Variants in NREP observed in about 807,000 individuals in gnomAD.
NREP encodes neuronal regeneration related protein, also known as neuronal regeneration-related protein.
NREP carries 5 observed loss-of-function variants against 8.6 expected under a neutral mutation model. The observed-to-expected ratio is 0.58, with a 90% CI of 0.30 to 1.22. The LOEUF (loss-of-function observed/expected upper bound fraction) is 1.22. Ranked by LOEUF, NREP falls within the 50% of genes most tolerant of loss-of-function variation. The probability of loss-of-function intolerance (pLI) is 0.07; values close to 1 mark genes in which losing one functional copy is unlikely to be tolerated. For missense variants in NREP, 86 were observed against 82.5 expected, an observed-to-expected ratio of 1.04 and a Z score of -0.17; for synonymous variants, 27 against 28.0, an observed-to-expected ratio of 0.96 and a Z score of 0.11.
upstream of NREP, among the ~76,000 whole-genome samples, chr5:111,759,032 A>T (rs1750892896): frequency 6.6e-6 from 1 of 152,232 alleles, no homozygotes; most frequent in Non-Finnish European, 1.5e-5. Flanking sequence ...AAGAAATATA[A>T]AACTCAACAA....
At chr5:111,912,102 CT>C (rs1340804187) in intron 2 of NREP, among the ~76,000 whole-genome samples, 2 of 152,072 alleles carry the variant, frequency 1.3e-5, no homozygotes, top group African/African-American at 4.8e-5. Flanking sequence ...GCTAGAATAT[CT>C]AATATTTAAA....
intron 2 of NREP, among the ~76,000 whole-genome samples, chr5:111,893,753 AG>A (rs1299636214): frequency 6.6e-6 from 1 of 151,584 alleles, no homozygotes; most frequent in African/African-American, 2.4e-5. Flanking sequence ...TAATTGGTTA[AG>A]GGTTTTTCAA....
intron 2 of NREP, among the ~76,000 whole-genome samples, chr5:111,795,401 A>G (rs1322147445): frequency 6.6e-6 from 1 of 152,214 alleles, no homozygotes; most frequent in Non-Finnish European, 1.5e-5. Flanking sequence ...ATCATTTGGC[A>G]AACTCAAGCT....
chr5:111,764,456 C>T (rs1404443268), intron 2 of NREP, among the ~76,000 whole-genome samples: 1 of 152,166 alleles, frequency 6.6e-6, no homozygotes, highest in Non-Finnish European at 1.5e-5. Context: ...TCACATCTTA[C>T]GTGGATGGCA....
At chr5:111,866,885 G>A (rs368845127) in intron 2 of NREP, among the ~76,000 whole-genome samples, 3 of 151,038 alleles carry the variant, frequency 2.0e-5, no homozygotes, top group Admixed American at 6.6e-5. Context: ...CTCAGCAAAC[G>A]ATCGCAAGGA....
intron 2 of NREP, among the ~76,000 whole-genome samples, chr5:111,905,498 G>C (rs888852709): frequency 7.9e-5 from 12 of 152,110 alleles, no homozygotes; most frequent in Admixed American, 6.6e-5. Flanking sequence ...ATAAATAGCG[G>C]TCCATGGAAG....
intron 2 of NREP, among the ~76,000 whole-genome samples, chr5:111,787,715 T>C (rs1751644860): frequency 6.6e-6 from 1 of 152,338 alleles, no homozygotes; most frequent in African/African-American, 2.4e-5. Flanking sequence ...AGGATGTTCT[T>C]CAAATATATG....
chr5:111,732,990 A>C (rs1180319572), intron 3 of NREP: 2 of 152,234 alleles, frequency 1.3e-5, no homozygotes, highest in Non-Finnish European at 2.9e-5. Context: ...CTCAGTACTA[A>C]TCTTCTACCT....
At chr5:111,804,413 A>G (rs555028329) in intron 2 of NREP, among the ~76,000 whole-genome samples, 22 of 152,326 alleles carry the variant, frequency 1.4e-4, no homozygotes, top group African/African-American at 4.3e-4. Context: ...ATGAAACCAT[A>G]AAAGGACTAG....
At chr5:111,815,922 T>A (rs1457005832) in intron 2 of NREP, among the ~76,000 whole-genome samples, 2 of 152,044 alleles carry the variant, frequency 1.3e-5, no homozygotes, top group Non-Finnish European at 2.9e-5. Context: ...CACACCGAAG[T>A]GAAACTGCTG....
At chr5:111,912,612 T>C (rs941844742) in intron 2 of NREP, 1 of 152,100 alleles carries the variant, frequency 6.6e-6, no homozygotes, top group African/African-American at 2.4e-5. Context: ...CCTACTTGCG[T>C]CTTACTTTTG....
intron 2 of NREP, among the ~76,000 whole-genome samples, chr5:111,916,594 T>C (rs1237950841): frequency 3.3e-5 from 5 of 152,146 alleles, no homozygotes; most frequent in Non-Finnish European, 7.4e-5. Context: ...GTTTAGACTC[T>C]GGGGTGAGAT....
chr5:111,917,693 C>A (rs1180785798), intron 2 of NREP, among the ~76,000 whole-genome samples: 1 of 152,062 alleles, frequency 6.6e-6, no homozygotes, highest in African/African-American at 2.4e-5. Context: ...AAACTAAGTA[C>A]TGATGGAACA....
intron 1 of NREP, chr5:111,756,319 A>AG: frequency 2.4e-5 from 1 of 40,994 alleles, no homozygotes; most frequent in Non-Finnish European, 4.4e-5. Flanking sequence ...AAAACCCTAC[A>AG]CGGCGGGGGG....
At chr5:111,907,327 T>A (rs1754802649) in intron 2 of NREP, among the ~76,000 whole-genome samples, 1 of 152,122 alleles carries the variant, frequency 6.6e-6, no homozygotes, top group South Asian at 2.1e-4. Context: ...ATATTTTACT[T>A]TGGTCTATGA....
rs186126701 is a variant in NREP at position 111,957,441 on chromosome 5, A to G, written c.135+17833T>C. On this transcript the variant is annotated intron_variant, in intron 2 of 3. Transcript: ENST00000395634. ...CACCCCTCCCCAAAGACTCATAACC[A>G]TATAGTTTTATAAAACTTAAAGGCA... 2.2e-3 allele frequency among the ~76,000 whole-genome samples: 335 copies of G among 152,120 alleles called. 2 individuals carry two copies. Among genetic ancestry groups the G allele is most frequent in the Non-Finnish European group, 4.3e-3 (294 of 67,940 alleles).
intron 2 of NREP, among the ~76,000 whole-genome samples, chr5:111,890,105 C>T (rs746237729): frequency 6.6e-6 from 1 of 152,138 alleles, no homozygotes; most frequent in Non-Finnish European, 1.5e-5. Context: ...AGAGACCCGA[C>T]AGGTACAATC....
rs184867737 is a variant in NREP, at chr5:111,792,405, G to A, written c.136-56898C>T. On this transcript the variant is annotated intron_variant, in intron 2 of 3. Coordinates refer to the NREP transcript ENST00000395634. The stretch of plus-strand genomic sequence containing the variant: ...CCAACTTAATAAAATGATTGGAAGA[G>A]GTTTAATATATGTTTTGTTATCAAC... Among the ~76,000 whole-genome samples, 73 of 152,308 alleles carry A rather than the reference G, an allele frequency of 4.8e-4. 1 individual carries two copies. The highest frequency in any genetic ancestry group is 2.4e-3 in the Admixed American group (36 of 15,300).
chr5:111,943,327 A>G (rs1255963277), intron 2 of NREP, among the ~76,000 whole-genome samples: 2 of 151,880 alleles, frequency 1.3e-5, no homozygotes, highest in Non-Finnish European at 2.9e-5. Flanking sequence ...TACTGCCTTG[A>G]TTTTCCTTGC....
Sources: allele counts gnomAD v4.1 joint callset (sites outside exome capture counted in the v4.1 genomes callset), GRCh38; gene constraint gnomAD v4.1.1; transcripts MANE v1.5; gene names NCBI Gene and HGNC (gene_info 2026-07-23, HGNC 2026-07-21).